Variants in WDR25 observed in about 807,000 individuals in gnomAD.
WDR25 encodes WD repeat domain 25.
Under a neutral mutation model 47.7 loss-of-function variants are expected in WDR25, and 35 were observed. The ratio of observed to expected loss-of-function variants is 0.73; its 90% CI spans 0.56 to 0.97. WDR25 has a LOEUF of 0.97. Among genes scored for constraint, WDR25 ranks in the 50% least tolerant of loss-of-function variants. WDR25 has a pLI of 0.00. For missense variants in WDR25, 634 were observed against 704.7 expected (o/e 0.90, Z 1.14); for synonymous variants, 248 against 278.9 (o/e 0.89, Z 1.10).
intron 2 of WDR25, among the ~76,000 whole-genome samples, chr14:100,422,885 C>T (rs762355120): frequency 2.6e-5 from 4 of 152,238 alleles, no homozygotes; most frequent in Middle Eastern, 3.4e-3. Context: ...AAGACAGAAA[C>T]GTCAAAGTGC....
intron 1 of WDR25, among the ~76,000 whole-genome samples, chr14:100,379,349 T>A (rs1269736664): frequency 6.6e-6 from 1 of 152,082 alleles, no homozygotes; most frequent in Non-Finnish European, 1.5e-5. Context: ...GTCCTGTCTC[T>A]TTCTCTGTAG....
In WDR25 at chr14:100,381,122, G is replaced by A; in HGVS notation, c.198G>A (p.Lys66=). The change falls in exon 2 of 7, where the codon AAG becomes AAA. Residue 66 remains lysine, a synonymous_variant. Coordinates refer to ENST00000402312, the MANE Select transcript of WDR25 (RefSeq NM_001161476.3). ...DVPKAGAQPT[K]HGSCEDPGGY... ...CCAAAGCAGGGGCACAGCCCACAAA[G>A]CATGGCTCCTGTGAAGACCCAGGGG... 1 of 1,614,208 alleles carries A rather than the reference G, an allele frequency of 6.2e-7. No homozygotes were observed. Among genetic ancestry groups the A allele is most frequent in the Non-Finnish European group, 8.5e-7 (1 of 1,180,028 alleles).
At position 100,529,851 on chromosome 14, in the gene WDR25, C is replaced by T; in HGVS notation, c.1445C>T (p.Ser482Phe). 1.2e-6 allele frequency: 2 copies of T among 1,612,790 alleles called. No individual in the cohort carries two copies. The highest frequency in any genetic ancestry group is 1.7e-6 in the Non-Finnish European group (2 of 1,179,982). The change falls in exon 7 of 7, where the codon TCC becomes TTC. Residue 482 changes from serine (S) to phenylalanine (F), a missense_variant. Physicochemically the swap from Ser to Phe is radical, Grantham distance 155. Transcript: ENST00000402312. This position sits in a 1 kb window ranked among gnomAD's most constrained non-coding sequence, Gnocchi z 5.1. ...VEGYSVGCEC[S>F]PGGDLLVTGS... ...GGCTACTCAGTGGGCTGCGAGTGCT[C>T]CCCAGGCGGTGACTTGCTGGTGACG...
At position 100,488,786 on chromosome 14, in the gene WDR25, A is replaced by G. The variant is rs1312680687; in HGVS notation, c.1101+4662A>G. Among the ~76,000 whole-genome samples, 3 of 152,230 alleles carry G rather than the reference A, an allele frequency of 2.0e-5. No homozygotes were observed. The highest frequency in any genetic ancestry group is 4.8e-5 in the African/African-American group (2 of 41,464). On this transcript the variant is annotated intron_variant, in intron 4 of 6. Coordinates refer to ENST00000402312, the MANE Select transcript of WDR25 (RefSeq NM_001161476.3). This position sits in a 1 kb window ranked among gnomAD's most constrained non-coding sequence, Gnocchi z 4.2. ...TTCTCTCATTTGAACCTTATCCTCAATTAGCCTGCACCATCTGTGACCTAT... is the reference window on the plus strand; with the variant it reads ...TTCTCTCATTTGAACCTTATCCTCAGTTAGCCTGCACCATCTGTGACCTAT...
intron 4 of WDR25, among the ~76,000 whole-genome samples, chr14:100,508,857 C>G (rs1465693794): frequency 1.3e-5 from 2 of 152,176 alleles, no homozygotes; most frequent in East Asian, 3.9e-4. Flanking sequence ...TTTACTACAT[C>G]TATATGTTTT....
intron 2 of WDR25, among the ~76,000 whole-genome samples, chr14:100,420,171 C>G (rs1165452670): frequency 6.6e-6 from 1 of 152,242 alleles, no homozygotes; most frequent in African/African-American, 2.4e-5. Flanking sequence ...GCAAGGAGGC[C>G]TTCACTGCCT....
intron 2 of WDR25, among the ~76,000 whole-genome samples, chr14:100,411,700 C>T (rs1897713694): frequency 6.6e-6 from 1 of 152,128 alleles, no homozygotes; most frequent in South Asian, 2.1e-4. Flanking sequence ...CCACACCCAG[C>T]AAATTTTTGT....
chr14:100,529,526 A>G lies in WDR25; in HGVS notation c.1414-294A>G, dbSNP rs965094239. On this transcript the variant is annotated intron_variant, in intron 6 of 6. Coordinates refer to ENST00000402312, the MANE Select transcript of WDR25 (RefSeq NM_001161476.3). The surrounding 1 kb of genome is among the most constrained non-coding windows in gnomAD (Gnocchi z 5.1). ...TCCTTCCCTTTCCTCACTGAGGCCA[A>G]GCCTTGCTGGGGTGGAAGGGGCTGG... The G allele has an allele frequency of 8.5e-6, 5 of 590,524 alleles. No individual in the cohort carries two copies. The highest frequency in any genetic ancestry group is 3.0e-5 in the Admixed American group (1 of 32,816). The allele number at this position is 590,524 out of a possible 1,614,324, so 36.6% of individuals were successfully genotyped here. A position where few individuals can be genotyped will look rare whatever the true frequency, so the allele number is the denominator to read the frequency against.
intron 2 of WDR25, among the ~76,000 whole-genome samples, chr14:100,393,252 A>G (rs1447048884): frequency 6.6e-6 from 1 of 152,260 alleles, no homozygotes; most frequent in Non-Finnish European, 1.5e-5. Context: ...AACTGTAGGG[A>G]AAATGAAAGA....
chr14:100,410,875 T>A lies in WDR25; in HGVS notation c.822+29129T>A, dbSNP rs375232295. 1.5e-3 allele frequency among the ~76,000 whole-genome samples: 232 copies of A among 151,602 alleles called. 2 individuals are homozygous for A. Among genetic ancestry groups the A allele is most frequent in the African/African-American group, 5.4e-3 (223 of 41,268 alleles). ...ATGGCTCACTGCAGTCTCTACCTCCTGGGCTCAAGCGATCCTCCTACCTTA... is the reference window on the plus strand; with the variant it reads ...ATGGCTCACTGCAGTCTCTACCTCCAGGGCTCAAGCGATCCTCCTACCTTA... On this transcript the variant is annotated intron_variant, in intron 2 of 6. Coordinates refer to ENST00000402312, the MANE Select transcript of WDR25 (RefSeq NM_001161476.3).
intron 4 of WDR25, among the ~76,000 whole-genome samples, chr14:100,512,418 T>C (rs1595161892): frequency 6.6e-6 from 1 of 152,208 alleles, no homozygotes; most frequent in Non-Finnish European, 1.5e-5. Flanking sequence ...TAAAAATCTG[T>C]ATAATCTGTG....
At chr14:100,459,681 C>A (rs1049858543) in intron 2 of WDR25, among the ~76,000 whole-genome samples, 1 of 151,524 alleles carries the variant, frequency 6.6e-6, no homozygotes, top group African/African-American at 2.4e-5. Context: ...ACAAAGACAG[C>A]CATCTACAAG....
At chr14:100,492,458 T>C (rs1488825432) in intron 4 of WDR25, among the ~76,000 whole-genome samples, 1 of 152,222 alleles carries the variant, frequency 6.6e-6, no homozygotes, top group Non-Finnish European at 1.5e-5. Flanking sequence ...GAGGGCGATG[T>C]TCCAAGACTT....
intron 4 of WDR25, among the ~76,000 whole-genome samples, chr14:100,517,117 T>G (rs1050777678): frequency 1.4e-5 from 2 of 144,148 alleles, no homozygotes; most frequent in Non-Finnish European, 3.0e-5. Flanking sequence ...TTTTTTTTTT[T>G]TTTTTTTTTT....
Position 100,407,018 on chromosome 14 carries a change from C to A in WDR25, c.822+25272C>A, listed in dbSNP as rs1897558187. Reference sequence around the variant, plus strand: ...AGCGAGGCTGCAGGTGTGAGAAGGACCCCGCCGTGCCAGGGCAGCCTCAAG... The same window carrying A: ...AGCGAGGCTGCAGGTGTGAGAAGGAACCCGCCGTGCCAGGGCAGCCTCAAG... On this transcript the variant is annotated intron_variant, in intron 2 of 6. Coordinates refer to ENST00000402312, the MANE Select transcript of WDR25 (RefSeq NM_001161476.3). This position sits in a 1 kb window ranked among gnomAD's most constrained non-coding sequence, Gnocchi z 4.1. 1.3e-5 allele frequency: 2 copies of A among 152,306 alleles called. No individual in the cohort carries two copies. The highest frequency in any genetic ancestry group is 4.1e-4 in the South Asian group (2 of 4,838). The allele number at this position is 152,306 out of a possible 1,614,324, so 9.4% of individuals were successfully genotyped here.
intron 4 of WDR25, among the ~76,000 whole-genome samples, chr14:100,487,309 T>C (rs1424487452): frequency 6.6e-6 from 1 of 152,254 alleles, no homozygotes; most frequent in Admixed American, 6.5e-5. Flanking sequence ...ACTTTTGCCA[T>C]TTAAAATTAA....
rs961429576 is a variant in WDR25 at position 100,499,736 on chromosome 14, G to A, written c.1101+15612G>A. On this transcript the variant is annotated intron_variant, in intron 4 of 6. Coordinates refer to ENST00000402312, the MANE Select transcript of WDR25 (RefSeq NM_001161476.3). This position sits in a 1 kb window ranked among gnomAD's most constrained non-coding sequence, Gnocchi z 4.4. ...AGATAGAGCAGACGGGCCACAAGAG[G>A]CCTCCTTCCTTCCAGAGCTCCTGTC... Among the ~76,000 whole-genome samples the A allele has an allele frequency of 1.3e-5, 2 of 152,100 alleles. No individual in the cohort carries two copies. Among genetic ancestry groups the A allele is most frequent in the African/African-American group, 4.8e-5 (2 of 41,384 alleles).
chr14:100,420,175 A>T (rs563140670), intron 2 of WDR25, among the ~76,000 whole-genome samples: 15 of 152,236 alleles, frequency 9.9e-5, no homozygotes, highest in Non-Finnish European at 1.6e-4. Context: ...GGAGGCCTTC[A>T]CTGCCTCCAC....
chr14:100,442,080 G>A (rs1898687167), intron 2 of WDR25, among the ~76,000 whole-genome samples: 1 of 152,204 alleles, frequency 6.6e-6, no homozygotes, highest in Non-Finnish European at 1.5e-5. Flanking sequence ...ACATGGAGAG[G>A]GCCAGCTTTG....
Sources: gnomAD v4.1 joint callset for allele counts (sites outside exome capture counted in the v4.1 genomes callset) on GRCh38, gnomAD v4.1.1 for gene constraint, Gnocchi (gnomAD v3.1) non-coding constraint, MANE v1.5 for transcripts, NCBI Gene and HGNC (gene_info 2026-07-23, HGNC 2026-07-21) for gene names.